CAPRIN1: variants seen among roughly 807,000 people sequenced by gnomAD.
CAPRIN1 encodes caprin-1.
CAPRIN1 carries 29 observed loss-of-function variants against 100.9 expected under a neutral mutation model. The ratio of observed to expected loss-of-function variants is 0.29; its 90% CI spans 0.21 to 0.39. The LOEUF (loss-of-function observed/expected upper bound fraction) is 0.39. Among genes scored for constraint, CAPRIN1 ranks in the 10% least tolerant of loss-of-function variants. The probability of loss-of-function intolerance (pLI) is 1.00; values close to 1 mark genes in which losing one functional copy is unlikely to be tolerated. For missense variants in CAPRIN1, 795 were observed against 876.7 expected, an observed-to-expected ratio of 0.91 and a Z score of 1.18; for synonymous variants, 338 against 307.5, an observed-to-expected ratio of 1.10 and a Z score of -1.04.
At chr11:34,063,428 C>G (rs1307965090) in intron 2 of CAPRIN1, 1 of 152,134 alleles carries the variant, frequency 6.6e-6, no homozygotes, top group Non-Finnish European at 1.5e-5. Flanking sequence ...GTAATGCCTC[C>G]CTGATAGGTT....
At chr11:34,089,502 C>A in intron 12 of CAPRIN1, 46 bp downstream of exon 12, 1 of 1,134,360 alleles carries the variant, frequency 8.8e-7, no homozygotes. Flanking sequence ...TTAGGTGGCT[C>A]GTACCTATAA....
chr11:34,072,591 T>C (rs1471026291), intron 4 of CAPRIN1, among the ~76,000 whole-genome samples: 1 of 152,200 alleles, frequency 6.6e-6, no homozygotes, highest in Non-Finnish European at 1.5e-5. Flanking sequence ...TTAAGGGGTA[T>C]GGCAAACTGA....
At chr11:34,082,348 C>T (rs1020146002) in intron 7 of CAPRIN1, among the ~76,000 whole-genome samples, 2 of 151,970 alleles carry the variant, frequency 1.3e-5, no homozygotes, top group African/African-American at 2.4e-5. Flanking sequence ...CCACCATGCC[C>T]GGCTAATTTT....
Position 34,076,255 on chromosome 11 carries a change from A to G in CAPRIN1, c.386A>G (p.Lys129Arg), listed in dbSNP as rs1320073689. The G allele has an allele frequency of 6.2e-7, 1 of 1,613,866 alleles. No homozygotes were observed. The highest frequency in any genetic ancestry group is 2.2e-5 in the East Asian group (1 of 44,882). ...LSQDIQKTIK[K>R]TARREQLMRE... ...TTGCAGATTCAGAAAACAATAAAGA[A>G]GACAGCACGTCGGGAGCAGCTTATG... The change falls in exon 5 of 19, where the codon AAG becomes AGG. Residue 129 changes from lysine (K) to arginine (R), a missense_variant. Lys to Arg is a conservative substitution (Grantham distance 26). Coordinates refer to ENST00000341394, the MANE Select transcript of CAPRIN1 (RefSeq NM_005898.5).
At chr11:34,088,823 AAAC>A (rs1478429416) in intron 11 of CAPRIN1, among the ~76,000 whole-genome samples, 2 of 152,208 alleles carry the variant, frequency 1.3e-5, no homozygotes, top group Non-Finnish European at 2.9e-5. Flanking sequence ...CTTTTGGAAA[AAAC>A]AAGATGAAAC....
intron 15 of CAPRIN1, among the ~76,000 whole-genome samples, chr11:34,093,201 TATA>T (rs1851297021): frequency 1.3e-4 from 1 of 7,928 alleles, no homozygotes; most frequent in African/African-American, 2.0e-4. Flanking sequence ...TTTTTATATA[TATA>T]TTTTTTTAAG....
rs750517177 is a variant in CAPRIN1, at chr11:34,082,797, T to C, written c.827-28T>C. 1.9e-6 allele frequency: 3 copies of C among 1,600,434 alleles called. No homozygotes were observed. In the Admixed American group the frequency reaches 5.0e-5, roughly 27 times the overall value. On this transcript the variant is annotated intron_variant, in intron 7 of 18. Transcript: ENST00000341394. ...AGTATCACTGACCTAAAAATCCTTT[T>C]GTTTTGCACCATTTTTTAACCTCTT...
intron 15 of CAPRIN1, among the ~76,000 whole-genome samples, chr11:34,093,697 T>C (rs1851307790): frequency 1.3e-5 from 2 of 152,118 alleles, no homozygotes; most frequent in South Asian, 4.1e-4. Flanking sequence ...ACTAGTGGTG[T>C]GATCACCATG....
At chr11:34,076,824 C>T (rs969519231) in intron 6 of CAPRIN1, among the ~76,000 whole-genome samples, 182 bp downstream of exon 6, 2 of 151,434 alleles carry the variant, frequency 1.3e-5, no homozygotes, top group Non-Finnish European at 2.9e-5. Context: ...ACCTCCGCCT[C>T]CCAGGTTTAA....
At chr11:34,070,872 T>C (rs771972744) in intron 2 of CAPRIN1, among the ~76,000 whole-genome samples, 2 of 151,938 alleles carry the variant, frequency 1.3e-5, no homozygotes, top group Non-Finnish European at 2.9e-5. Context: ...CCAGCTGATT[T>C]TGTATTTTTA....
At chr11:34,060,257 A>G (rs1461110740) in intron 2 of CAPRIN1, among the ~76,000 whole-genome samples, 1 of 151,598 alleles carries the variant, frequency 6.6e-6, no homozygotes, top group Non-Finnish European at 1.5e-5. Context: ...TGGTCTTAAG[A>G]GAACACAGAT....
chr11:34,096,848 A>G (rs1409236717), intron 16 of CAPRIN1, among the ~76,000 whole-genome samples, 175 bp downstream of exon 16: 2 of 152,220 alleles, frequency 1.3e-5, no homozygotes, highest in Non-Finnish European at 2.9e-5. Context: ...TTTGTTATTT[A>G]AATAACAGAT....
chr11:34,094,267 C>CTCGGCCTCCTGCT (rs1851322455), intron 15 of CAPRIN1, among the ~76,000 whole-genome samples: 1 of 152,124 alleles, frequency 6.6e-6, no homozygotes, highest in Non-Finnish European at 1.5e-5. Context: ...ATTCTCCTGC[C>CTCGGCCTCCTGCT]TCGGCCTCCT....
Position 34,090,744 on chromosome 11 carries a change from T to G in CAPRIN1, c.1554+66T>G, listed in dbSNP as rs942025874. On this transcript the variant is annotated intron_variant, in intron 14 of 18. Transcript: ENST00000341394. The stretch of plus-strand genomic sequence containing the variant: ...TGAATCATGGTAGATTTTCTTTTCT[T>G]TTTTAAAGGTCTTCATTTAACTGTG... The G allele has an allele frequency of 4.2e-6, 6 of 1,433,626 alleles. No individual in the cohort carries two copies. The African/African-American group carries it at 8.5e-5, about 20-fold the overall frequency. The allele number at this position is 1,433,626 out of a possible 1,614,324, so 88.8% of individuals were successfully genotyped here.
chr11:34,093,204 A>T (rs78430805), intron 15 of CAPRIN1, among the ~76,000 whole-genome samples: 150,439 of 151,064 alleles, frequency 1, 74,908 homozygotes, highest in East Asian at 1. Flanking sequence ...TTATATATAT[A>T]TTTTTTTAAG....
intron 2 of CAPRIN1, chr11:34,053,687 C>T (rs1476149173): frequency 6.6e-6 from 1 of 152,000 alleles, no homozygotes; most frequent in Non-Finnish European, 1.5e-5. Context: ...TCTTCATCTG[C>T]AAGTCAGCCT....
At chr11:34,079,451 TG>T (rs1053609237) in intron 6 of CAPRIN1, among the ~76,000 whole-genome samples, 176 bp from the exon 7 acceptor site, 9 of 152,178 alleles carry the variant, frequency 5.9e-5, no homozygotes, top group Non-Finnish European at 8.8e-5. Context: ...ACATTCTTCT[TG>T]TTCCCTATCA....
intron 15 of CAPRIN1, among the ~76,000 whole-genome samples, chr11:34,093,202 A>AT (rs1418235206): frequency 0.017 from 2,503 of 149,674 alleles, 49 homozygotes; most frequent in African/African-American, 0.059. Flanking sequence ...TTTTATATAT[A>AT]TATTTTTTTA....
At chr11:34,079,051 A>G (rs1276349009) in intron 6 of CAPRIN1, among the ~76,000 whole-genome samples, 2 of 152,230 alleles carry the variant, frequency 1.3e-5, no homozygotes, top group East Asian at 3.8e-4. Flanking sequence ...TGCTGAATAA[A>G]TACTTTTGAA....
Sources: allele counts gnomAD v4.1 joint callset (sites outside exome capture counted in the v4.1 genomes callset), GRCh38; gene constraint gnomAD v4.1.1; transcripts MANE v1.5; gene names NCBI Gene and HGNC (gene_info 2026-07-23, HGNC 2026-07-21).